The following EML5 variants were observed in gnomAD, a reference collection of about 807,000 sequenced individuals.
EML5 encodes the protein echinoderm microtubule-associated protein-like 5.
In EML5, 120 loss-of-function variants were observed where a neutral mutation model predicts 250.0. The observed-to-expected ratio is 0.48, with a 90% confidence interval of 0.41 to 0.56. The LOEUF (loss-of-function observed/expected upper bound fraction) is 0.56, where lower values mean the gene tolerates loss of function less well. EML5 is among the 20% of genes least tolerant of loss of function. The pLI is 0.00. For synonymous variants in EML5, 771 were observed against 806.5 expected (o/e 0.96, Z 0.75); for missense variants, 2,006 against 2,437.6 (o/e 0.82, Z 3.73).
intron 7 of EML5, among the ~76,000 whole-genome samples, chr14:88,731,566 C>A (rs996419537): frequency 6.6e-6 from 1 of 152,018 alleles, no homozygotes; most frequent in Non-Finnish European, 1.5e-5. Context: ...TGATTTATAA[C>A]CCTTTGGGTA....
At chr14:88,778,315 TTGTA>T (rs1269807681) in intron 1 of EML5, among the ~76,000 whole-genome samples, 1 of 152,206 alleles carries the variant, frequency 6.6e-6, no homozygotes, top group Non-Finnish European at 1.5e-5. Context: ...TTGTTTAATA[TTGTA>T]TGGATTCCTG....
intron 10 of EML5, 24 bp downstream of exon 10, chr14:88,712,247 T>C: frequency 3.3e-6 from 5 of 1,514,678 alleles, no homozygotes; most frequent in Non-Finnish European, 4.6e-6. Flanking sequence ...GAGAGGTTAC[T>C]TAATATTTTG....
intron 38 of EML5, 85 bp downstream of exon 38, chr14:88,621,028 A>G: frequency 6.7e-7 from 1 of 1,484,672 alleles, no homozygotes; most frequent in Non-Finnish European, 8.9e-7. Context: ...GAATTCTGGC[A>G]GTTCTTTAAG....
intron 21 of EML5, among the ~76,000 whole-genome samples, chr14:88,678,952 G>A (rs117052791): frequency 0.012 from 1,890 of 152,076 alleles, 20 homozygotes; most frequent in Non-Finnish European, 0.019. Context: ...GCTATGCTCC[G>A]TTGTGAAAGT....
At chr14:88,666,691 T>C (rs2092318037) in intron 21 of EML5, among the ~76,000 whole-genome samples, 1 of 152,074 alleles carries the variant, frequency 6.6e-6, no homozygotes, top group Admixed American at 6.6e-5. Flanking sequence ...TTCGTAAAAA[T>C]AAGGGTTAGT....
chr14:88,717,470 C>A (rs1329914619), intron 8 of EML5, among the ~76,000 whole-genome samples: 3 of 152,082 alleles, frequency 2.0e-5, no homozygotes, highest in African/African-American at 4.8e-5. Flanking sequence ...ACGTAAAAAA[C>A]AAATAAGGCT....
Position 88,710,836 on chromosome 14 carries a change from G to C in EML5, c.1657+1435C>G, listed in dbSNP as rs930418985. ...TCTTAGACAAGACTAATTTTCTTAGGCTTTGGTAAAATATTCACACAGCAG... is the reference window on the plus strand; with the variant it reads ...TCTTAGACAAGACTAATTTTCTTAGCCTTTGGTAAAATATTCACACAGCAG... On this transcript the variant is annotated intron_variant, in intron 10 of 43. Coordinates refer to ENST00000554922, the MANE Select transcript of EML5 (RefSeq NM_183387.3). Among the ~76,000 whole-genome samples the C allele has an allele frequency of 9.5e-4, 145 of 152,194 alleles. 1 individual carries two copies. Among genetic ancestry groups the C allele is most frequent in the African/African-American group, 3.4e-3 (141 of 41,518 alleles).
intron 1 of EML5, among the ~76,000 whole-genome samples, chr14:88,785,457 C>T (rs1294723616): frequency 2.0e-5 from 3 of 152,172 alleles, no homozygotes; most frequent in African/African-American, 4.8e-5. Flanking sequence ...AATAGATAAA[C>T]TCACTCTGTA....
intron 27 of EML5, among the ~76,000 whole-genome samples, chr14:88,656,394 A>G (rs533721120): frequency 3.3e-5 from 5 of 152,104 alleles, no homozygotes; most frequent in Non-Finnish European, 5.9e-5. Flanking sequence ...ACATGTTCTC[A>G]CTCATAAGTG....
At chr14:88,706,157 T>TAA (rs1395891670) in intron 11 of EML5, 102 bp downstream of exon 11, 5 of 1,138,050 alleles carry the variant, frequency 4.4e-6, no homozygotes, top group East Asian at 2.5e-5. Context: ...ACTACACTGT[T>TAA]AACTTATGAG....
At chr14:88,676,433 C>T (rs2092595052) in intron 21 of EML5, among the ~76,000 whole-genome samples, 1 of 152,168 alleles carries the variant, frequency 6.6e-6, no homozygotes, top group African/African-American at 2.4e-5. Flanking sequence ...GACTCACTAT[C>T]ACGAGAACAG....
intron 1 of EML5, among the ~76,000 whole-genome samples, chr14:88,781,500 T>A (rs2094497339): frequency 6.6e-6 from 1 of 152,188 alleles, no homozygotes. Flanking sequence ...CTAAAAATAG[T>A]CACTTCTTTT....
At chr14:88,757,271 T>C (rs948508715) in intron 1 of EML5, among the ~76,000 whole-genome samples, 5 of 152,008 alleles carry the variant, frequency 3.3e-5, no homozygotes, top group East Asian at 1.9e-4. Flanking sequence ...TGAATATATA[T>C]CCACATACAA....
At chr14:88,666,233 T>C (rs990140026) in intron 21 of EML5, among the ~76,000 whole-genome samples, 3 of 152,206 alleles carry the variant, frequency 2.0e-5, no homozygotes, top group African/African-American at 7.2e-5. Flanking sequence ...TTTATAAAAG[T>C]AATTTTTTTT....
rs1421746343 is a variant in EML5, at chr14:88,780,270, T to G, written c.197+12037A>C. 7.2e-5 allele frequency among the ~76,000 whole-genome samples: 11 copies of G among 152,228 alleles called. No individual in the cohort carries two copies. In the East Asian group the frequency reaches 2.1e-3, roughly 30 times the overall value. On this transcript the variant is annotated intron_variant, in intron 1 of 43. Coordinates refer to ENST00000554922, the MANE Select transcript of EML5 (RefSeq NM_183387.3). Reference sequence around the variant, plus strand: ...ACCCAGCCCGTGTTTCTGAAAATTCTGAATGCAGAGGTATTGACTGTCTTT... The same window carrying G: ...ACCCAGCCCGTGTTTCTGAAAATTCGGAATGCAGAGGTATTGACTGTCTTT...
intron 41 of EML5, chr14:88,617,101 T>G (rs770358282): frequency 9.9e-6 from 4 of 405,032 alleles, no homozygotes; most frequent in Non-Finnish European, 1.8e-5. Context: ...TAGATTAATC[T>G]TTTTAAGATT....
At chr14:88,650,542 G>A (rs1019601343) in intron 27 of EML5, among the ~76,000 whole-genome samples, 7 of 152,106 alleles carry the variant, frequency 4.6e-5, no homozygotes, top group African/African-American at 7.2e-5. Flanking sequence ...AAACATCCAC[G>A]AAAGTATCAA....
intron 21 of EML5, 121 bp downstream of exon 21, chr14:88,681,769 G>A: frequency 8.7e-7 from 1 of 1,147,196 alleles, no homozygotes; most frequent in Non-Finnish European, 1.2e-6. Context: ...AGTAGACATT[G>A]AATAAATATT....
intron 1 of EML5, among the ~76,000 whole-genome samples, chr14:88,763,071 C>T (rs1276946126): frequency 1.3e-5 from 2 of 151,970 alleles, no homozygotes; most frequent in African/African-American, 2.4e-5. Flanking sequence ...GATCTAAAAT[C>T]GACACCCTAA....
Sources: gnomAD v4.1 joint callset for allele counts (sites outside exome capture counted in the v4.1 genomes callset) on GRCh38, gnomAD v4.1.1 for gene constraint, MANE v1.5 for transcripts, NCBI Gene and HGNC (gene_info 2026-07-23, HGNC 2026-07-21) for gene names.